The following MAP1S variants were observed in gnomAD, a reference collection of about 807,000 sequenced individuals.
MAP1S encodes the protein microtubule-associated protein 1S.
MAP1S carries 27 observed loss-of-function variants against 60.9 expected under a neutral mutation model. The observed-to-expected ratio is 0.44, with a 90% CI of 0.33 to 0.61. The LOEUF is 0.61. Among genes scored for constraint, MAP1S ranks in the 20% least tolerant of loss-of-function variants. The pLI, the probability that MAP1S is intolerant of heterozygous loss-of-function variation, is 0.03. For synonymous variants in MAP1S, 826 were observed against 694.2 expected, an observed-to-expected ratio of 1.19 and a Z score of -2.98; for missense variants, 1,608 against 1,486.6, an observed-to-expected ratio of 1.08 and a Z score of -1.34.
chr19:17,721,010 T>G lies in MAP1S; in HGVS notation c.193T>G (p.Ser65Ala). ...EQLKVFVSRH[S>A]ATFSSIVKGQ... ...GCTCAAGGTCTTTGTGTCCCGACAC[T>G]CTGCCACCTTCTCCAGCATTGTGAA... The change falls in exon 2 of 7, where the codon TCT becomes GCT. Residue 65 changes from serine to alanine, a missense_variant. Physicochemically the swap from Ser to Ala is moderately conservative, Grantham distance 99. Around this residue, in one of 4 missense-constraint regions of MAP1S, gnomAD observed 320 missense variants for 393.1 expected, o/e 0.81. Coordinates refer to ENST00000324096, the MANE Select transcript of MAP1S (RefSeq NM_018174.6). 6.2e-7 allele frequency: 1 copy of G among 1,614,138 alleles called. No homozygotes were observed. Among genetic ancestry groups the G allele is most frequent in the Non-Finnish European group, 8.5e-7 (1 of 1,179,996 alleles).
Position 17,726,650 on chromosome 19 carries a change from C to A in MAP1S, c.1266C>A (p.Gly422=). The change falls in exon 5 of 7, where the codon GGC becomes GGA. Residue 422 remains glycine (G), a synonymous_variant. Coordinates refer to ENST00000324096, the MANE Select transcript of MAP1S (RefSeq NM_018174.6). The stretch of plus-strand genomic sequence containing the variant: ...CCCTGCTGGTGTGGCACCCCGCCGG[C>A]CCCGGCGAGAAGGTGGTGCGCGTGC... The part of the protein sequence containing the change: ...VCALLVWHPA[G]PGEKVVRVLF... 1.3e-6 allele frequency: 2 copies of A among 1,577,650 alleles called. No homozygotes were observed. Among genetic ancestry groups the A allele is most frequent in the East Asian group, 2.3e-5 (1 of 43,020 alleles).
Position 17,727,158 on chromosome 19 carries a change from A to C in MAP1S, c.1774A>C (p.Ser592Arg), listed in dbSNP as rs201719494. Residue 592 changes from serine to arginine, a missense_variant, in exon 5 of 7, where the codon AGC (serine) becomes CGC (arginine). Ser to Arg is a moderately radical substitution (Grantham distance 110). This residue lies in a region of MAP1S where 1,167 missense variants were observed against 961.4 expected (regional missense o/e 1.21). Transcript: ENST00000324096. The surrounding 1 kb of genome is among the most constrained non-coding windows in gnomAD (Gnocchi z 4.1). ...GCCCAGCCTCCGATGTGGAGAAGCC[A>C]GCCCCCCCAGTGCAGCCTGCGGCTC... ...SPPSLRCGEASPPSAACGSPA... is the reference protein window; with the variant it reads ...SPPSLRCGEARPPSAACGSPA... 94 of 1,588,210 alleles carry C rather than the reference A, an allele frequency of 5.9e-5. No homozygotes were observed. In the East Asian group the frequency reaches 2.1e-3, roughly 35 times the overall value.
At chr19:17,733,976 G>C (rs917778190) in intron 6 of MAP1S, among the ~76,000 whole-genome samples, 1 of 152,198 alleles carries the variant, frequency 6.6e-6, no homozygotes, top group Non-Finnish European at 1.5e-5. Context: ...CAAGGAGCAG[G>C]GGGAGATCCA....
At chr19:17,724,350 T>C (rs578259620) in intron 3 of MAP1S, 142 bp downstream of exon 3, 28 of 640,918 alleles carry the variant, frequency 4.4e-5, no homozygotes, top group Non-Finnish European at 6.3e-5. Context: ...CACGAAGCCT[T>C]CCCTGTGGCT....
chr19:17,728,121 C>T lies in MAP1S; in HGVS notation c.2737C>T (p.Pro913Ser). 5.0e-6 allele frequency: 8 copies of T among 1,610,654 alleles called. No individual in the cohort carries two copies. The highest frequency in any genetic ancestry group is 3.3e-5 in the South Asian group (3 of 90,944). Reference protein sequence around the residue: ...SEPSEKGGRAPLSRKSSTPKT... With the variant: ...SEPSEKGGRASLSRKSSTPKT... ...GCCCAGTGAGAAGGGAGGCCGGGCA[C>T]CCCTGTCCAGAAAGTCCTCAACCCC... is the stretch of plus-strand genomic sequence containing the variant. The change falls in exon 5 of 7, where the codon CCC becomes TCC. Residue 913 changes from proline (P) to serine (S), a missense_variant. Transcript: ENST00000324096.
intron 5 of MAP1S, among the ~76,000 whole-genome samples, chr19:17,729,579 C>T (rs1015532261): frequency 2.6e-5 from 4 of 152,092 alleles, no homozygotes; most frequent in African/African-American, 9.7e-5. Flanking sequence ...AAACATGGCT[C>T]ACTGCAGCCT....
rs1239712826 is a variant in MAP1S at position 17,726,794 on chromosome 19, C to T, written c.1410C>T (p.Ala470=). Reference sequence around the variant, plus strand: ...AGGACCTGGAGGGGCCGGGGCGAGCCGAGAGCAAAGAGAGCGTGGGCTCCC... The same window carrying T: ...AGGACCTGGAGGGGCCGGGGCGAGCTGAGAGCAAAGAGAGCGTGGGCTCCC... ...TPQDLEGPGR[A]ESKESVGSRD... is the part of the protein sequence containing the mutation. Residue 470 remains alanine (A), a synonymous_variant, in exon 5 of 7, where the codon GCC becomes GCT. Coordinates refer to ENST00000324096, the MANE Select transcript of MAP1S (RefSeq NM_018174.6). The T allele has an allele frequency of 2.6e-6, 4 of 1,557,838 alleles. No homozygotes were observed. Among genetic ancestry groups the T allele is most frequent in the Non-Finnish European group, 3.5e-6 (4 of 1,152,476 alleles).
rs762348997 is a variant in MAP1S at position 17,728,055 on chromosome 19, G to A, written c.2671G>A (p.Gly891Ser). The change falls in exon 5 of 7, where the codon GGT becomes AGT. Residue 891 changes from glycine (G) to serine (S), a missense_variant. By Grantham distance (56) the Gly-to-Ser change is moderately conservative (BLOSUM62 0). Coordinates refer to ENST00000324096, the MANE Select transcript of MAP1S (RefSeq NM_018174.6). ...TGCTGCCAAAACCAAGGGGCTTGCTGGTGGGGACCGTGCCAGCCGACCACT... is the reference window on the plus strand; with the variant it reads ...TGCTGCCAAAACCAAGGGGCTTGCTAGTGGGGACCGTGCCAGCCGACCACT... ...VAAAKTKGLA[G>S]GDRASRPLSA... The A allele has an allele frequency of 1.2e-6, 2 of 1,612,532 alleles. No homozygotes were observed. Among genetic ancestry groups the A allele is most frequent in the South Asian group, 1.1e-5 (1 of 91,006 alleles).
rs756750698 is a variant in MAP1S at position 17,733,388 on chromosome 19, C to T, written c.2984C>T (p.Ala995Val). The part of the protein sequence containing the change: ...KEEGMRAVLD[A>V]LLASKQHWDR... ...GAAGGCATGCGGGCCGTCCTGGACG[C>T]GCTACTGGCCAGCAAGCAGCATTGG... Residue 995 changes from alanine to valine, a missense_variant, in exon 6 of 7, where the codon GCG becomes GTG. Physicochemically the swap from Ala to Val is moderately conservative, Grantham distance 64. Transcript: ENST00000324096. The T allele has an allele frequency of 5.6e-6, 9 of 1,609,904 alleles. No homozygotes were observed. The East Asian group carries it at 6.7e-5, about 12-fold the overall frequency.
At chr19:17,720,319 G>T in intron 1 of MAP1S, 1 of 1,474,424 alleles carries the variant, frequency 6.8e-7, no homozygotes, top group South Asian at 1.3e-5. Context: ...CACGCACCTC[G>T]GTTCATGTGC....
chr19:17,734,323 A>G lies in MAP1S; in HGVS notation c.3075A>G (p.Ala1025=), dbSNP rs1426027742. The change falls in exon 7 of 7, where the codon GCA becomes GCG. Residue 1025 remains alanine, a synonymous_variant. Coordinates refer to ENST00000324096, the MANE Select transcript of MAP1S (RefSeq NM_018174.6). The part of the protein sequence containing the change: ...FDSVAMHTWY[A]ETHARHQALG... ...CGGTGGCCATGCATACGTGGTACGCAGAGACGCACGCCCGGCACCAGGCGC... is the reference window on the plus strand; with the variant it reads ...CGGTGGCCATGCATACGTGGTACGCGGAGACGCACGCCCGGCACCAGGCGC... The G allele has an allele frequency of 1.9e-6, 3 of 1,613,702 alleles. No individual in the cohort carries two copies. The highest frequency in any genetic ancestry group is 2.5e-6 in the Non-Finnish European group (3 of 1,179,914).
rs2080352531 is a variant in MAP1S at position 17,719,610 on chromosome 19, G to A, written c.108G>A (p.Glu36=). 4.0e-6 allele frequency: 5 copies of A among 1,243,346 alleles called. No individual in the cohort carries two copies. Among genetic ancestry groups the A allele is most frequent in the African/African-American group, 3.1e-5 (2 of 64,356 alleles). The allele number at this position is 1,243,346 out of a possible 1,614,324, so 77.0% of individuals were successfully genotyped here. ...GGCTCCTCACCTACGTCCTGGAGGAGCTCGAAAGAGGTCGGGCTGGCCTGG... is the reference window on the plus strand; with the variant it reads ...GGCTCCTCACCTACGTCCTGGAGGAACTCGAAAGAGGTCGGGCTGGCCTGG... The part of the protein sequence containing the change: ...SPGLLTYVLE[E]LERGIRSWDV... Residue 36 remains glutamate, a synonymous_variant, in exon 1 of 7, where the codon GAG becomes GAA. Coordinates refer to ENST00000324096, the MANE Select transcript of MAP1S (RefSeq NM_018174.6).
chr19:17,726,466 T>C lies in MAP1S; in HGVS notation c.1082T>C (p.Leu361Pro). Residue 361 changes from leucine (L) to proline (P), a missense_variant, in exon 5 of 7, where the codon CTC becomes CCC. By Grantham distance (98) the Leu-to-Pro change is moderately conservative. Around this residue, in one of 4 missense-constraint regions of MAP1S, gnomAD observed 1,167 missense variants for 961.4 expected, o/e 1.21. Coordinates refer to ENST00000324096, the MANE Select transcript of MAP1S (RefSeq NM_018174.6). ...GEDEAELALS[L>P]LAQLGITPLP... The stretch of plus-strand genomic sequence containing the variant: ...GATGAGGCGGAGCTGGCGCTGAGCC[T>C]CCTGGCGCAGCTGGGCATCACGCCT... The C allele has an allele frequency of 6.4e-7, 1 of 1,550,794 alleles. No homozygotes were observed.
In MAP1S at chr19:17,733,441, C is replaced by G. The variant is rs1418033992; in HGVS notation, c.3024+13C>G. The G allele has an allele frequency of 1.3e-6, 2 of 1,570,502 alleles. No homozygotes were observed. Among genetic ancestry groups the G allele is most frequent in the Non-Finnish European group, 1.7e-6 (2 of 1,156,340 alleles). ...CCGTGACCTGCAGGTGCGTGTCACCCCAGGGCCTCTGGTGGTAAGTGTAGT... is the reference window on the plus strand; with the variant it reads ...CCGTGACCTGCAGGTGCGTGTCACCGCAGGGCCTCTGGTGGTAAGTGTAGT... On this transcript the variant is annotated intron_variant, in intron 6 of 6. Transcript: ENST00000324096.
At position 17,727,942 on chromosome 19, in the gene MAP1S, C is replaced by T. The variant is rs138807804; in HGVS notation, c.2558C>T (p.Ala853Val). Residue 853 changes from alanine (A) to valine (V), a missense_variant, in exon 5 of 7, where the codon GCA becomes GTA. Ala to Val is a moderately conservative substitution (Grantham distance 64, BLOSUM62 0). This residue lies in a region of MAP1S where 1,167 missense variants were observed against 961.4 expected (regional missense o/e 1.21). Transcript: ENST00000324096. The surrounding 1 kb of genome is among the most constrained non-coding windows in gnomAD (Gnocchi z 4.1). ...VDPEMLPPKT[A>V]RQTENVSRTR... The stretch of plus-strand genomic sequence containing the variant: ...CCCGAGATGCTGCCCCCCAAGACAG[C>T]ACGGCAAACGGAGAACGTCAGCCGC... The T allele has an allele frequency of 4.6e-5, 74 of 1,608,072 alleles. No homozygotes were observed. The African/African-American group carries it at 8.8e-4, about 19-fold the overall frequency.
chr19:17,734,225 C>T (rs1284478293), intron 6 of MAP1S, 48 bp from the exon 7 acceptor site: 7 of 1,537,438 alleles, frequency 4.6e-6, no homozygotes, highest in Non-Finnish European at 6.2e-6. Flanking sequence ...GGGGGCACCC[C>T]CCTCACTGGT....
At chr19:17,724,291 C>A in intron 3 of MAP1S, 83 bp downstream of exon 3, 1 of 1,112,278 alleles carries the variant, frequency 9.0e-7, no homozygotes, top group South Asian at 1.3e-5. Flanking sequence ...TCCTTGTCTT[C>A]ATGCTGCCCC....
chr19:17,727,480 CG>C lies in MAP1S; in HGVS notation c.2098del (p.Val700CysfsTer18). The part of the protein sequence containing the change: ...PHSTEVDESL[S>X]VSFEQVLPPS... ...TCGACCGAGGTGGACGAGTCCCTGT[CG>C]GTGTCCTTTGAGCAGGTGCTGCCGC... On this transcript the variant is annotated frameshift_variant, in exon 5 of 7. Coordinates refer to ENST00000324096, the MANE Select transcript of MAP1S (RefSeq NM_018174.6). LOFTEE classifies it high-confidence loss of function. This position sits in a 1 kb window ranked among gnomAD's most constrained non-coding sequence, Gnocchi z 4.1. The C allele has an allele frequency of 6.2e-7, 1 of 1,610,062 alleles. No individual in the cohort carries two copies. Among genetic ancestry groups the C allele is most frequent in the Non-Finnish European group, 8.5e-7 (1 of 1,178,644 alleles).
intron 3 of MAP1S, 29 bp downstream of exon 3, chr19:17,724,237 G>T (rs1381128778): frequency 6.3e-7 from 1 of 1,590,316 alleles, no homozygotes; most frequent in African/African-American, 1.3e-5. Flanking sequence ...CCTGGAGGGG[G>T]CGGGCTGCTG....
Sources: allele counts gnomAD v4.1 joint callset (sites outside exome capture counted in the v4.1 genomes callset), GRCh38; gene constraint gnomAD v4.1.1; regional missense constraint gnomAD v4.1.1; non-coding constraint Gnocchi (gnomAD v3.1); transcripts MANE v1.5; gene names NCBI Gene and HGNC (gene_info 2026-07-23, HGNC 2026-07-21).